STK17B: variants seen among roughly 807,000 people sequenced by gnomAD.
STK17B encodes the protein serine/threonine-protein kinase 17B.
Under a neutral mutation model 42.0 loss-of-function variants are expected in STK17B, and 21 were observed. That is an observed-to-expected ratio of 0.50 (90% CI 0.35 to 0.72). STK17B has a LOEUF of 0.72. STK17B is among the 30% of genes least tolerant of loss of function. The pLI is 0.00. For missense variants in STK17B, 349 were observed against 446.0 expected, an observed-to-expected ratio of 0.78 and a Z score of 1.96; for synonymous variants, 143 against 148.4, an observed-to-expected ratio of 0.96 and a Z score of 0.26.
At chr2:196,139,018 G>T (rs918759577) in intron 7 of STK17B, among the ~76,000 whole-genome samples, 7 of 152,100 alleles carry the variant, frequency 4.6e-5, no homozygotes, top group Admixed American at 1.3e-4. Context: ...CTAGGCTAGA[G>T]TGCAGTGGCG....
At chr2:196,142,252 T>C (rs1310894389) in intron 5 of STK17B, among the ~76,000 whole-genome samples, 2 of 152,154 alleles carry the variant, frequency 1.3e-5, no homozygotes, top group Admixed American at 6.5e-5. Flanking sequence ...GAGATGGGGT[T>C]TCACCATGTT....
chr2:196,139,547 A>G (rs1215674120), intron 7 of STK17B, 73 bp downstream of exon 7: 1 of 923,252 alleles, frequency 1.1e-6, no homozygotes, highest in African/African-American at 1.7e-5. Context: ...CTTAATAGGT[A>G]TATATTATTT....
upstream of STK17B, among the ~76,000 whole-genome samples, chr2:196,176,024 C>T (rs542559742): frequency 6.6e-6 from 1 of 152,286 alleles, no homozygotes; most frequent in African/African-American, 2.4e-5. Flanking sequence ...TTATTTAAGC[C>T]TCTTCACATC....
intron 3 of STK17B, chr2:196,154,071 G>A (rs1307764554): frequency 6.6e-6 from 1 of 152,038 alleles, no homozygotes; most frequent in East Asian, 1.9e-4. Flanking sequence ...CCCATCTCTA[G>A]TAACATACAA....
At chr2:196,151,535 G>GT (rs765228092) in intron 3 of STK17B, 3 of 152,166 alleles carry the variant, frequency 2.0e-5, no homozygotes, top group Non-Finnish European at 2.9e-5. Context: ...CCAGCCAAAG[G>GT]TAAGTATTTT....
In STK17B at chr2:196,156,597, A is replaced by T. The variant is rs1300144690; in HGVS notation, c.177T>A (p.Tyr59Ter). The part of the protein sequence containing the change: ...QCISKSTGQE[Y>*]AAKFLKKRRR... Reference sequence around the variant, plus strand: ...TTCTCTTTTTTAGAAATTTTGCAGCATATTCTTGGCCAGTAGATTTTGATA... The same window carrying T: ...TTCTCTTTTTTAGAAATTTTGCAGCTTATTCTTGGCCAGTAGATTTTGATA... The change falls in exon 3 of 8, where the codon TAT becomes TAA. Residue 59 changes from tyrosine to a stop codon, truncating the protein, a stop_gained. Coordinates refer to ENST00000263955, the MANE Select transcript of STK17B (RefSeq NM_004226.4). LOFTEE classifies it high-confidence loss of function. 6.2e-7 allele frequency: 1 copy of T among 1,613,934 alleles called. No homozygotes were observed. Among genetic ancestry groups the T allele is most frequent in the Non-Finnish European group, 8.5e-7 (1 of 1,179,988 alleles).
At position 196,136,432 on chromosome 2, in the gene STK17B, T is replaced by A. The variant is rs1699406835; in HGVS notation, c.*1015A>T. 1 of 152,650 alleles carries A rather than the reference T, an allele frequency of 6.6e-6. No individual in the cohort carries two copies. The highest frequency in any genetic ancestry group is 2.1e-4 in the South Asian group (1 of 4,834). The allele number at this position is 152,650 out of a possible 1,614,324, so 9.5% of individuals were successfully genotyped here. On this transcript the variant is annotated 3_prime_UTR_variant, in exon 8 of 8. Transcript: ENST00000263955. ...ACGAGCCTGATGTCATGTTTTATGA[T>A]CACATCAGTCTTGCTACCGCTGACT...
In STK17B at chr2:196,137,561, A is replaced by G. The variant is rs1699425091; in HGVS notation, c.1005T>C (p.Gly335=). Residue 335 remains glycine (G), a synonymous_variant, in exon 8 of 8, where the codon GGT becomes GGC. Transcript: ENST00000263955. ...GGATATTCTCTTTGTCTTCTCTATC[A>G]CCACAGGTTCCATTACAGGAGGATT... ...TSKSSCNGTC[G]DREDKENIPE... is the part of the protein sequence containing the mutation. 1 of 1,614,106 alleles carries G rather than the reference A, an allele frequency of 6.2e-7. No individual in the cohort carries two copies. The highest frequency in any genetic ancestry group is 1.3e-5 in the African/African-American group (1 of 75,034).
At chr2:196,144,163 C>A (rs1005905977) in intron 4 of STK17B, among the ~76,000 whole-genome samples, 2 of 147,402 alleles carry the variant, frequency 1.4e-5, no homozygotes, top group African/African-American at 5.0e-5. Flanking sequence ...CATAGTGAGA[C>A]CCTCTCTTAA....
chr2:196,135,683 C>T lies in STK17B; in HGVS notation c.*1764G>A, dbSNP rs548310032. ...ATCCCAACTACTCAGGAGGCTGAGA[C>T]AGGAGAATTGCTTGAACCCGGGAGG... On this transcript the variant is annotated 3_prime_UTR_variant, in exon 8 of 8. Transcript: ENST00000263955. 1 of 141,682 alleles carries T rather than the reference C, an allele frequency of 7.1e-6. No homozygotes were observed. Among genetic ancestry groups the T allele is most frequent in the Admixed American group, 7.9e-5 (1 of 12,588 alleles). 8.8% of individuals were successfully genotyped at this position (141,682 alleles called of 1,614,324 possible).
intron 6 of STK17B, among the ~76,000 whole-genome samples, chr2:196,140,585 T>TTTTTTTTTTTTTTTTTTTTC (rs1699479826): frequency 6.7e-6 from 1 of 148,808 alleles, no homozygotes. Context: ...AGCTTTTTTT[T>TTTTTTTTTTTTTTTTTTTTC]TTTTTTTTTT....
chr2:196,164,435 T>C (rs1046166686), intron 1 of STK17B, among the ~76,000 whole-genome samples: 1 of 152,244 alleles, frequency 6.6e-6, no homozygotes. Context: ...GTGATGTTTA[T>C]ATGCATTCAG....
At chr2:196,171,709 G>T (rs1699948170), upstream of STK17B, 1 of 151,254 alleles carries the variant, frequency 6.6e-6, no homozygotes. Flanking sequence ...GGCCGGGGGC[G>T]CGTGTGCGGG....
At chr2:196,164,806 T>C (rs1412917767) in intron 1 of STK17B, among the ~76,000 whole-genome samples, 4 of 152,202 alleles carry the variant, frequency 2.6e-5, no homozygotes, top group African/African-American at 9.6e-5. Flanking sequence ...GGAGACCTTG[T>C]CTCAAAAAAT....
intron 3 of STK17B, chr2:196,153,363 A>C (rs559266620): frequency 6.6e-6 from 1 of 152,196 alleles, no homozygotes; most frequent in East Asian, 1.9e-4. Context: ...ATAAGCAAGT[A>C]TTGCTGAGAA....
At chr2:196,170,178 G>A in intron 1 of STK17B, among the ~76,000 whole-genome samples, 1 of 148,640 alleles carries the variant, frequency 6.7e-6, no homozygotes, top group East Asian at 1.9e-4. Flanking sequence ...CAATGAGAAA[G>A]TAGGTTTATT....
chr2:196,166,529 T>C (rs988590707), intron 1 of STK17B, among the ~76,000 whole-genome samples: 15 of 152,244 alleles, frequency 9.9e-5, no homozygotes, highest in African/African-American at 3.6e-4. Context: ...TTTATATGCA[T>C]GTGTATACAC....
intron 2 of STK17B, 92 bp downstream of exon 2, chr2:196,163,170 A>T: frequency 7.0e-7 from 1 of 1,434,352 alleles, no homozygotes; most frequent in Non-Finnish European, 9.6e-7. Context: ...AATCATTGTT[A>T]AATAATGATC....
Position 196,139,672 on chromosome 2 carries a change from C to A in STK17B, c.784G>T (p.Val262Phe), listed in dbSNP as rs1428418794. ...VDYSEETFSSVSQLATDFIQS... is the reference protein window; with the variant it reads ...VDYSEETFSSFSQLATDFIQS... ...ATAAAGTCTGTGGCCAGCTGTGAAA[C>A]TGATGAAAAAGTTTCTTCCGAATAA... The change falls in exon 7 of 8, where the codon GTT (valine) becomes TTT (phenylalanine). Residue 262 changes from valine (V) to phenylalanine (F), a missense_variant. Transcript: ENST00000263955. 2 of 1,467,046 alleles carry A rather than the reference C, an allele frequency of 1.4e-6. No individual in the cohort carries two copies. The highest frequency in any genetic ancestry group is 1.4e-5 in the African/African-American group (1 of 70,268). The allele number at this position is 1,467,046 out of a possible 1,614,324, so 90.9% of individuals were successfully genotyped here. A position where few individuals can be genotyped will look rare whatever the true frequency, so the allele number is the denominator to read the frequency against.
Sources: gnomAD v4.1 joint callset for allele counts (sites outside exome capture counted in the v4.1 genomes callset) on GRCh38, gnomAD v4.1.1 for gene constraint, MANE v1.5 for transcripts, NCBI Gene and HGNC (gene_info 2026-07-23, HGNC 2026-07-21) for gene names.